Variants in CERS6 observed in about 807,000 individuals in gnomAD.
The protein encoded by CERS6 is ceramide synthase 6.
CERS6 carries 26 observed loss-of-function variants against 56.8 expected under a neutral mutation model. That is an observed-to-expected ratio of 0.46 (90% CI 0.34 to 0.63). CERS6 has a LOEUF of 0.63. Among genes scored for constraint, CERS6 ranks in the 30% least tolerant of loss-of-function variants. The probability of loss-of-function intolerance (pLI) is 0.01; values close to 1 mark genes in which losing one functional copy is unlikely to be tolerated. For missense variants in CERS6, 415 were observed against 467.5 expected (o/e 0.89, Z 1.04); for synonymous variants, 164 against 173.3 (o/e 0.95, Z 0.42).
At chr2:168,520,313 T>C (rs2105355829) in intron 1 of CERS6, among the ~76,000 whole-genome samples, 1 of 152,310 alleles carries the variant, frequency 6.6e-6, no homozygotes, top group East Asian at 1.9e-4. Flanking sequence ...AAGTTCCTTA[T>C]AGATTCTGGA....
At chr2:168,635,879 A>T (rs1391285608) in intron 4 of CERS6, among the ~76,000 whole-genome samples, 5 of 152,162 alleles carry the variant, frequency 3.3e-5, no homozygotes, top group Admixed American at 1.3e-4. Context: ...CTGGTTTCAT[A>T]CTTTGAGATG....
At chr2:168,624,773 A>T (rs1014206647) in intron 3 of CERS6, among the ~76,000 whole-genome samples, 1 of 152,202 alleles carries the variant, frequency 6.6e-6, no homozygotes, top group African/African-American at 2.4e-5. Flanking sequence ...ATTCCATTGT[A>T]CTTGACTGGA....
In CERS6 at chr2:168,695,030, G is replaced by C; in HGVS notation, c.588G>C (p.Gln196His). Residue 196 changes from glutamine (Q) to histidine (H), a missense_variant, in exon 6 of 10, where the codon CAG becomes CAC. Transcript: ENST00000305747. ...LSFYWSLMFSQFTDIKRKDFG... is the reference protein window; with the variant it reads ...LSFYWSLMFSHFTDIKRKDFG... ...TTTATTGGTCTTTGATGTTTTCTCA[G>C]TTCACTGATATCAAAAGAAAGGTAA... The C allele has an allele frequency of 1.2e-6, 2 of 1,612,928 alleles. No individual in the cohort carries two copies. The highest frequency in any genetic ancestry group is 1.7e-6 in the Non-Finnish European group (2 of 1,179,208).
chr2:168,552,364 ACACACACACACACACACACAC>A (rs1695589564), intron 2 of CERS6, among the ~76,000 whole-genome samples: 2 of 118,468 alleles, frequency 1.7e-5, no homozygotes, highest in Admixed American at 9.2e-5. Context: ...ACACACACAC[ACACACACACACACACACACAC>A]ACACACTACA....
intron 8 of CERS6, among the ~76,000 whole-genome samples, chr2:168,752,322 G>GTGTGTGTGTGT (rs1553516313): frequency 2.3e-5 from 2 of 85,368 alleles, no homozygotes; most frequent in Non-Finnish European, 5.7e-5. Context: ...TGTGTGTATA[G>GTGTGTGTGTGT]AGAGAGAGAG....
intron 1 of CERS6, among the ~76,000 whole-genome samples, chr2:168,489,464 T>C (rs1574017347): frequency 1.3e-5 from 2 of 150,138 alleles, no homozygotes; most frequent in East Asian, 3.9e-4. Context: ...AAATAGTTTC[T>C]CCACCAATTT....
chr2:168,464,129 G>A (rs751863404), intron 1 of CERS6, among the ~76,000 whole-genome samples: 29 of 151,594 alleles, frequency 1.9e-4, no homozygotes, highest in Non-Finnish European at 3.8e-4. Context: ...TTAATGTGGA[G>A]TGGTCTTATC....
intron 2 of CERS6, among the ~76,000 whole-genome samples, chr2:168,559,295 T>G (rs1018440693): frequency 2.0e-5 from 3 of 152,136 alleles, no homozygotes; most frequent in African/African-American, 7.2e-5. Context: ...TTTGCTGTGT[T>G]TTCTGGGTGT....
chr2:168,546,004 C>T (rs1427306541), intron 1 of CERS6, among the ~76,000 whole-genome samples: 1 of 152,162 alleles, frequency 6.6e-6, no homozygotes, highest in Non-Finnish European at 1.5e-5. Flanking sequence ...TTACTGTTTG[C>T]TTTTGCTGGA....
At chr2:168,458,606 T>G (rs1373493834) in intron 1 of CERS6, among the ~76,000 whole-genome samples, 1 of 152,244 alleles carries the variant, frequency 6.6e-6, no homozygotes, top group Non-Finnish European at 1.5e-5. Context: ...TGTCCTCATA[T>G]TGATATAAAG....
intron 1 of CERS6, among the ~76,000 whole-genome samples, chr2:168,504,136 C>T (rs974827514): frequency 1.3e-5 from 2 of 152,096 alleles, no homozygotes; most frequent in Admixed American, 6.6e-5. Flanking sequence ...TCAGGGTGGG[C>T]GTGGTGGCTC....
chr2:168,650,739 A>T (rs1334780785), intron 4 of CERS6, among the ~76,000 whole-genome samples: 4 of 151,882 alleles, frequency 2.6e-5, no homozygotes, highest in Admixed American at 2.6e-4. Context: ...TACATGGTGC[A>T]TTCATATACC....
chr2:168,719,083 A>AT (rs1419277411), intron 8 of CERS6, among the ~76,000 whole-genome samples: 1 of 152,088 alleles, frequency 6.6e-6, no homozygotes, highest in Non-Finnish European at 1.5e-5. Context: ...ATGAGCTGCC[A>AT]TTTTTTGTGT....
intron 3 of CERS6, among the ~76,000 whole-genome samples, chr2:168,607,796 A>G (rs1333715652): frequency 1.3e-5 from 2 of 152,240 alleles, no homozygotes; most frequent in African/African-American, 4.8e-5. Context: ...TCATTACAAT[A>G]TATTTTGGAA....
At chr2:168,734,715 G>A (rs1292345740) in intron 8 of CERS6, among the ~76,000 whole-genome samples, 2 of 152,118 alleles carry the variant, frequency 1.3e-5, no homozygotes, top group African/African-American at 4.8e-5. Context: ...TATCACTTTG[G>A]TTTAAAAGTT....
chr2:168,737,823 A>G (rs1224624142), intron 8 of CERS6, among the ~76,000 whole-genome samples: 1 of 152,214 alleles, frequency 6.6e-6, no homozygotes, highest in African/African-American at 2.4e-5. Context: ...ATGTATTGGG[A>G]AATATTTAGT....
In CERS6 at chr2:168,774,608, C is replaced by T. The variant is rs1684954333; in HGVS notation, c.*4946C>T. On this transcript the variant is annotated 3_prime_UTR_variant, in exon 10 of 10. Transcript: ENST00000305747. The stretch of plus-strand genomic sequence containing the variant: ...CACAGTAATTTTTTGACACTGTCAT[C>T]ATGAAACTACCCTTAGGAAAATAAG... 6.6e-6 allele frequency: 1 copy of T among 150,536 alleles called. No individual in the cohort carries two copies. The highest frequency in any genetic ancestry group is 1.5e-5 in the Non-Finnish European group (1 of 67,810). The allele number at this position is 150,536 out of a possible 1,614,324, so 9.3% of individuals were successfully genotyped here.
chr2:168,465,308 G>C (rs1301838178), intron 1 of CERS6, among the ~76,000 whole-genome samples: 1 of 152,182 alleles, frequency 6.6e-6, no homozygotes, highest in Admixed American at 6.5e-5. Flanking sequence ...TATCTGGTTA[G>C]GGCCCACTTT....
chr2:168,663,339 A>G (rs1163877620), intron 4 of CERS6, among the ~76,000 whole-genome samples: 1 of 152,254 alleles, frequency 6.6e-6, no homozygotes, highest in African/African-American at 2.4e-5. Flanking sequence ...ACAAAAGGTC[A>G]TAGGAAAATA....
Sources: allele counts gnomAD v4.1 joint callset (sites outside exome capture counted in the v4.1 genomes callset), GRCh38; gene constraint gnomAD v4.1.1; transcripts MANE v1.5; gene names NCBI Gene and HGNC (gene_info 2026-07-23, HGNC 2026-07-21).